Variants in GAB1 observed in about 807,000 individuals in gnomAD.
GAB1 encodes GRB2-associated-binding protein 1.
Under a neutral mutation model 66.5 loss-of-function variants are expected in GAB1, and 19 were observed. The ratio of observed to expected loss-of-function variants is 0.29; its 90% confidence interval spans 0.20 to 0.42. GAB1 has a LOEUF of 0.42. GAB1 is among the 10% of genes least tolerant of loss of function. The pLI is 1.00. For missense variants in GAB1, 732 were observed against 858.5 expected (o/e 0.85, Z 1.84); for synonymous variants, 294 against 301.4 (o/e 0.98, Z 0.25).
chr4:143,468,355 C>T (rs892903662), intron 9 of GAB1, among the ~76,000 whole-genome samples: 1 of 150,942 alleles, frequency 6.6e-6, no homozygotes, highest in Non-Finnish European at 1.5e-5. Flanking sequence ...GCTGGGATTA[C>T]AGGCGCGTGC....
intron 1 of GAB1, among the ~76,000 whole-genome samples, chr4:143,385,790 CTGAG>C (rs1403340145): frequency 6.6e-6 from 1 of 152,154 alleles, no homozygotes; most frequent in African/African-American, 2.4e-5. Context: ...AAACAGTGGT[CTGAG>C]TGCCAAGTCA....
At chr4:143,356,619 A>G (rs745956414) in intron 1 of GAB1, among the ~76,000 whole-genome samples, 1 of 152,166 alleles carries the variant, frequency 6.6e-6, no homozygotes, top group Non-Finnish European at 1.5e-5. Flanking sequence ...ACAGTCAGTA[A>G]TCTCAGTTAG....
At chr4:143,357,138 T>C (rs182161644) in intron 1 of GAB1, among the ~76,000 whole-genome samples, 1 of 152,288 alleles carries the variant, frequency 6.6e-6, no homozygotes, top group Non-Finnish European at 1.5e-5. Context: ...GAACCTCTTC[T>C]GCAAACTTAA....
chr4:143,393,326 GTTTGCTGTCCTCT>G (rs1731279099), intron 1 of GAB1, among the ~76,000 whole-genome samples: 1 of 151,936 alleles, frequency 6.6e-6, no homozygotes, highest in Admixed American at 6.6e-5. Flanking sequence ...TTACAAAAAG[GTTTGCTGTCCTCT>G]GTCATAGACA....
At chr4:143,443,606 A>G (rs1383184121) in intron 6 of GAB1, among the ~76,000 whole-genome samples, 1 of 152,236 alleles carries the variant, frequency 6.6e-6, no homozygotes, top group African/African-American at 2.4e-5. Flanking sequence ...TCATGACATC[A>G]GATAAATGAC....
chr4:143,468,923 C>CAAA, intron 9 of GAB1, 108 bp from the exon 10 acceptor site: 6 of 977,638 alleles, frequency 6.1e-6, no homozygotes, highest in South Asian at 2.0e-5. Context: ...AACTCCTTCT[C>CAAA]AAAAAAAAAA....
intron 6 of GAB1, among the ~76,000 whole-genome samples, chr4:143,455,745 T>C (rs1735153842): frequency 6.6e-6 from 1 of 152,192 alleles, no homozygotes; most frequent in Admixed American, 6.5e-5. Context: ...ATTTCTTCCT[T>C]TCTCTACTTG....
chr4:143,460,681 A>T (rs1735444226), intron 8 of GAB1, among the ~76,000 whole-genome samples, 194 bp downstream of exon 8: 1 of 152,128 alleles, frequency 6.6e-6, no homozygotes, highest in South Asian at 2.1e-4. Context: ...TAAACTGTAA[A>T]TGAGTTAAAA....
At chr4:143,431,511 T>G (rs147540238) in intron 2 of GAB1, among the ~76,000 whole-genome samples, 56 of 152,340 alleles carry the variant, frequency 3.7e-4, no homozygotes, top group Admixed American at 8.5e-4. Flanking sequence ...TTTAAATTCT[T>G]TGTTATCCGA....
At position 143,466,480 on chromosome 4, in the gene GAB1, C is replaced by CTTTT. The variant is rs776557170; in HGVS notation, c.1926+279_1926+282dup. Among the ~76,000 whole-genome samples, 18 of 67,276 alleles carry CTTTT rather than the reference C, an allele frequency of 2.7e-4. 1 individual carries two copies. The highest frequency in any genetic ancestry group is 4.6e-4 in the African/African-American group (7 of 15,330). 44.1% of individuals were successfully genotyped at this position (67,276 alleles called of 152,430 possible). On this transcript the variant is annotated intron_variant, in intron 9 of 9. Transcript: ENST00000262994. ...CATTGAAATAGTTATTTAACAAATT[C>CTTTT]TTTTTTTTTTTTTTTTTTTTTTTTT... is the stretch of plus-strand genomic sequence containing the variant.
intron 1 of GAB1, among the ~76,000 whole-genome samples, chr4:143,365,129 T>G (rs1009046371): frequency 6.6e-6 from 1 of 151,770 alleles, no homozygotes; most frequent in Non-Finnish European, 1.5e-5. Flanking sequence ...CGCCCGCCTC[T>G]GCCTCCCAAA....
chr4:143,350,143 G>C (rs1415555876), intron 1 of GAB1: 17 of 860,776 alleles, frequency 2.0e-5, no homozygotes, highest in Non-Finnish European at 2.9e-5. Flanking sequence ...AAAAGAAGCT[G>C]ATTTTTAAAA....
At chr4:143,434,194 T>TGGTGGTG in intron 3 of GAB1, 1 of 1,180,448 alleles carries the variant, frequency 8.5e-7, no homozygotes. Flanking sequence ...TGGTTTTGGA[T>TGGTGGTG]CTGTGTGAGA....
At chr4:143,356,748 A>G (rs1729463032) in intron 1 of GAB1, among the ~76,000 whole-genome samples, 1 of 152,182 alleles carries the variant, frequency 6.6e-6, no homozygotes, top group Non-Finnish European at 1.5e-5. Flanking sequence ...GAATAACTGT[A>G]TTTGAATATT....
At chr4:143,400,363 G>A (rs534843624) in intron 1 of GAB1, among the ~76,000 whole-genome samples, 1 of 152,314 alleles carries the variant, frequency 6.6e-6, no homozygotes, top group Non-Finnish European at 1.5e-5. Context: ...AAGCCATTTG[G>A]TGAAAAGACT....
chr4:143,463,651 T>C (rs1409078914), intron 8 of GAB1, among the ~76,000 whole-genome samples: 1 of 150,198 alleles, frequency 6.7e-6, no homozygotes, highest in East Asian at 1.9e-4. Flanking sequence ...AATCTCACAC[T>C]ACTGGTTTGT....
chr4:143,344,126 T>G (rs1326940423), intron 1 of GAB1, among the ~76,000 whole-genome samples: 1 of 152,218 alleles, frequency 6.6e-6, no homozygotes, highest in Non-Finnish European at 1.5e-5. Flanking sequence ...GGGAGCATGT[T>G]CTGGTGGGAG....
intron 1 of GAB1, chr4:143,349,551 A>T (rs1729110242): frequency 5.3e-6 from 8 of 1,506,176 alleles, no homozygotes; most frequent in Non-Finnish European, 6.3e-6. Context: ...AGACGATGCC[A>T]GTGCCCCTGG....
intron 1 of GAB1, among the ~76,000 whole-genome samples, chr4:143,393,863 C>T (rs1188726598): frequency 6.6e-6 from 1 of 152,072 alleles, no homozygotes; most frequent in Non-Finnish European, 1.5e-5. Flanking sequence ...AATTAAATGA[C>T]ACTTAAAAAA....
Sources: gnomAD v4.1 joint callset for allele counts (sites outside exome capture counted in the v4.1 genomes callset) on GRCh38, gnomAD v4.1.1 for gene constraint, MANE v1.5 for transcripts, NCBI Gene and HGNC (gene_info 2026-07-23, HGNC 2026-07-21) for gene names.